Variants in CDK5RAP3 observed in about 807,000 individuals in gnomAD.
The protein encoded by CDK5RAP3 is CDK5 regulatory subunit-associated protein 3.
Under a neutral mutation model 73.3 loss-of-function variants are expected in CDK5RAP3, and 58 were observed. The ratio of observed to expected loss-of-function variants is 0.79; its 90% CI spans 0.64 to 0.98. The LOEUF (loss-of-function observed/expected upper bound fraction) is 0.98. Among genes scored for constraint, CDK5RAP3 ranks in the 50% least tolerant of loss-of-function variants. CDK5RAP3 has a pLI of 0.00. For synonymous variants in CDK5RAP3, 224 were observed against 247.5 expected (o/e 0.91, Z 0.89); for missense variants, 525 against 615.8 (o/e 0.85, Z 1.56).
intron 8 of CDK5RAP3, chr17:47,976,458 C>T: frequency 2.5e-6 from 1 of 406,756 alleles, no homozygotes; most frequent in Non-Finnish European, 4.5e-6. Context: ...CTCTCAGCCT[C>T]AAGCGATCCT....
In CDK5RAP3 at chr17:47,973,396, C is replaced by T. The variant is rs530460543; in HGVS notation, c.53-123C>T. The T allele has an allele frequency of 3.7e-6, 4 of 1,090,172 alleles. No homozygotes were observed. In the Admixed American group the frequency reaches 7.1e-5, roughly 19 times the overall value. The allele number at this position is 1,090,172 out of a possible 1,614,324, so 67.5% of individuals were successfully genotyped here. A position where few individuals can be genotyped will look rare whatever the true frequency, so the allele number is the denominator to read the frequency against. ...TGTCTTTATTCCCATCTTCCCATGA[C>T]CCCCATACTTTAACCAATGTAAAGA... On this transcript the variant is annotated intron_variant, in intron 2 of 13. Transcript: ENST00000338399.
rs750283829 is a variant in CDK5RAP3, at chr17:47,975,258, G to A, written c.434G>A (p.Arg145His). The A allele has an allele frequency of 1.2e-5, 19 of 1,614,042 alleles. No individual in the cohort carries two copies. The highest frequency in any genetic ancestry group is 6.7e-5 in the East Asian group (3 of 44,884). The change falls in exon 6 of 14, where the codon CGC becomes CAC. Residue 145 changes from arginine (R) to histidine (H), a missense_variant. By Grantham distance (29) the Arg-to-His change is conservative. This residue lies in a region of CDK5RAP3 where 409 missense variants were observed against 429.8 expected (regional missense o/e 0.95). Coordinates refer to ENST00000338399, the MANE Select transcript of CDK5RAP3 (RefSeq NM_176096.3). ...KCQQLQQEYS[R>H]KEEECQAGAA... Reference sequence around the variant, plus strand: ...CAGCAGCTGCAGCAAGAATACAGCCGCAAGGAGGAGGAGTGCCAGGCAGGG... The same window carrying A: ...CAGCAGCTGCAGCAAGAATACAGCCACAAGGAGGAGGAGTGCCAGGCAGGG...
At chr17:47,973,874 C>A in intron 3 of CDK5RAP3, 57 bp from the exon 4 acceptor site, 1 of 1,389,178 alleles carries the variant, frequency 7.2e-7, no homozygotes, top group Non-Finnish European at 1.0e-6. Context: ...ACCTGCAGTG[C>A]CCAGAGTAGG....
chr17:47,973,697 G>A (rs756913090), intron 3 of CDK5RAP3, 47 bp downstream of exon 3: 4 of 1,604,582 alleles, frequency 2.5e-6, no homozygotes, highest in Non-Finnish European at 3.4e-6. Context: ...TGCTGAGGTA[G>A]TATGTATCAG....
chr17:47,973,613 A>G lies in CDK5RAP3; in HGVS notation c.147A>G (p.Pro49=). The change falls in exon 3 of 14, where the codon CCA becomes CCG. Residue 49 remains proline (P), a synonymous_variant. Coordinates refer to ENST00000338399, the MANE Select transcript of CDK5RAP3 (RefSeq NM_176096.3). ...TCAATGCTGCCATCCAGGACATGCC[A>G]GAGAGCGAAGAGATCGCCCAGCTGC... is the stretch of plus-strand genomic sequence containing the variant. ...EKINAAIQDM[P]ESEEIAQLLS... is the part of the protein sequence containing the mutation. 1.4e-5 allele frequency: 22 copies of G among 1,614,172 alleles called. No homozygotes were observed. Among genetic ancestry groups the G allele is most frequent in the Non-Finnish European group, 1.9e-5 (22 of 1,180,036 alleles).
At chr17:47,979,123 A>G in intron 11 of CDK5RAP3, 1 of 555,536 alleles carries the variant, frequency 1.8e-6, no homozygotes, top group Admixed American at 3.1e-5. Flanking sequence ...TACCTTAGGC[A>G]CCAGAACTTG....
chr17:47,975,833 G>A, intron 7 of CDK5RAP3, 36 bp from the exon 8 acceptor site: 1 of 1,613,090 alleles, frequency 6.2e-7, no homozygotes, highest in South Asian at 1.1e-5. Flanking sequence ...CCTTACGCAT[G>A]GTCGGCAGGA....
In CDK5RAP3 at chr17:47,981,190, C is replaced by T. The variant is rs762251438; in HGVS notation, c.1311C>T (p.Leu437=). The T allele has an allele frequency of 1.9e-6, 3 of 1,614,174 alleles. No homozygotes were observed. Among genetic ancestry groups the T allele is most frequent in the Non-Finnish European group, 1.7e-6 (2 of 1,180,008 alleles). The stretch of plus-strand genomic sequence containing the variant: ...ATGTGGACCGAGTGACTGAATTCCT[C>T]CAGCAAAAGCTGAAGCAGTCCCAGC... The part of the protein sequence containing the change: ...PRYVDRVTEF[L]QQKLKQSQLL... The change falls in exon 13 of 14, where the codon CTC becomes CTT. Residue 437 remains leucine (L), a synonymous_variant. Coordinates refer to ENST00000338399, the MANE Select transcript of CDK5RAP3 (RefSeq NM_176096.3).
chr17:47,977,775 C>G (rs966485587), intron 9 of CDK5RAP3, 57 bp from the exon 10 acceptor site: 16 of 1,445,446 alleles, frequency 1.1e-5, no homozygotes, highest in Middle Eastern at 1.7e-4. Flanking sequence ...TTTATTCTGG[C>G]TCCTTGGCTC....
At chr17:47,976,929 C>T in intron 9 of CDK5RAP3, 107 bp downstream of exon 9, 1 of 641,032 alleles carries the variant, frequency 1.6e-6, no homozygotes, top group Non-Finnish European at 2.7e-6. Context: ...GCTCTAAGAC[C>T]AGGTATAGTC....
intron 11 of CDK5RAP3, 193 bp downstream of exon 11, chr17:47,979,110 C>G (rs2144240261): frequency 1.7e-6 from 1 of 578,326 alleles, no homozygotes; most frequent in African/African-American, 1.9e-5. Context: ...AGGCACCTGG[C>G]ACTACCTTAG....
intron 5 of CDK5RAP3, chr17:47,974,932 G>A (rs1053820028): frequency 4.2e-6 from 6 of 1,412,428 alleles, no homozygotes; most frequent in Non-Finnish European, 5.5e-6. Context: ...GGTGTGTCAT[G>A]TGGATTCTCT....
intron 4 of CDK5RAP3, 93 bp downstream of exon 4, chr17:47,974,124 A>T: frequency 1.2e-6 from 1 of 859,648 alleles, no homozygotes; most frequent in South Asian, 1.4e-5. Flanking sequence ...TCCAGTGGGG[A>T]TGCCTACATA....
rs889692447 is a variant in CDK5RAP3 at position 47,981,684 on chromosome 17, G to A, written c.*182G>A. On this transcript the variant is annotated 3_prime_UTR_variant, in exon 14 of 14. Coordinates refer to ENST00000338399, the MANE Select transcript of CDK5RAP3 (RefSeq NM_176096.3). ...CTCCATGTTCTCTACAAGAAGCTGT[G>A]GTGATTGGCCCTGTGGTCTATCAGG... The A allele has an allele frequency of 3.9e-6, 6 of 1,536,474 alleles. No individual in the cohort carries two copies. The highest frequency in any genetic ancestry group is 5.2e-6 in the Non-Finnish European group (6 of 1,146,196).
At chr17:47,979,477 A>G (rs1301359089) in intron 11 of CDK5RAP3, 6 of 152,992 alleles carry the variant, frequency 3.9e-5, no homozygotes, top group Non-Finnish European at 8.8e-5. Context: ...GACCAGCAAC[A>G]TGGAGGCTGG....
At position 47,981,690 on chromosome 17, in the gene CDK5RAP3, T is replaced by A; in HGVS notation, c.*188T>A. On this transcript the variant is annotated 3_prime_UTR_variant, in exon 14 of 14. Coordinates refer to ENST00000338399, the MANE Select transcript of CDK5RAP3 (RefSeq NM_176096.3). ...GTTCTCTACAAGAAGCTGTGGTGAT[T>A]GGCCCTGTGGTCTATCAGGCGAAAA... 1 of 1,535,910 alleles carries A rather than the reference T, an allele frequency of 6.5e-7. No homozygotes were observed. Among genetic ancestry groups the A allele is most frequent in the Non-Finnish European group, 8.7e-7 (1 of 1,146,008 alleles).
At chr17:47,973,253 C>T (rs1362883202) in intron 2 of CDK5RAP3, among the ~76,000 whole-genome samples, 1 of 152,120 alleles carries the variant, frequency 6.6e-6, no homozygotes, top group Non-Finnish European at 1.5e-5. Flanking sequence ...GTGGCACTTT[C>T]AGGACCAATT....
At chr17:47,973,310 C>T (rs2036311915) in intron 2 of CDK5RAP3, among the ~76,000 whole-genome samples, 1 of 152,190 alleles carries the variant, frequency 6.6e-6, no homozygotes, top group Non-Finnish European at 1.5e-5. Context: ...CTATAAAAAT[C>T]ACACTGCTAA....
upstream of CDK5RAP3, among the ~76,000 whole-genome samples, chr17:47,969,360 T>A (rs998998435): frequency 3.3e-5 from 5 of 151,798 alleles, no homozygotes; most frequent in East Asian, 9.8e-4. Context: ...ATCGAGACCA[T>A]CCTGGCTAAC....
Sources: gnomAD v4.1 joint callset for allele counts (sites outside exome capture counted in the v4.1 genomes callset) on GRCh38, gnomAD v4.1.1 for gene constraint, gnomAD v4.1.1 regional missense constraint, MANE v1.5 for transcripts, NCBI Gene and HGNC (gene_info 2026-07-23, HGNC 2026-07-21) for gene names.